LPAR3: variants seen among roughly 807,000 people sequenced by gnomAD.
LPAR3 encodes lysophosphatidic acid receptor 3, also known as LPA receptor 3.
A neutral mutation model predicts 17.8 loss-of-function variants in LPAR3; 7 were observed. That is an observed-to-expected ratio of 0.39 (90% confidence interval 0.22 to 0.74). The LOEUF (loss-of-function observed/expected upper bound fraction) is 0.74, where lower values mean the gene tolerates loss of function less well. Among genes scored for constraint, LPAR3 ranks in the 30% least tolerant of loss-of-function variants. The pLI, the probability that LPAR3 is intolerant of heterozygous loss-of-function variation, is 0.40. For missense variants in LPAR3, 391 were observed against 453.4 expected, an observed-to-expected ratio of 0.86 and a Z score of 1.25; for synonymous variants, 179 against 179.9, an observed-to-expected ratio of 0.99 and a Z score of 0.04.
Position 84,865,357 on chromosome 1 carries a change from G to C in LPAR3, c.736+28C>G, listed in dbSNP as rs528422882. 9.1e-5 allele frequency: 144 copies of C among 1,577,120 alleles called. No homozygotes were observed. The Middle Eastern group carries it at 1.9e-3, about 20-fold the overall frequency. On this transcript the variant is annotated intron_variant, in intron 2 of 2. Transcript: ENST00000370611. The stretch of plus-strand genomic sequence containing the variant: ...AAAGATTTGCTGAATGAATGGGAAT[G>C]ATGGCTTGCTTGGGTCCTCTTACCT...
At chr1:84,884,962 T>C (rs536158691) in intron 1 of LPAR3, among the ~76,000 whole-genome samples, 2 of 152,350 alleles carry the variant, frequency 1.3e-5, no homozygotes, top group East Asian at 3.9e-4. Context: ...TCTCTCACTG[T>C]TCAGCATATG....
intron 2 of LPAR3, among the ~76,000 whole-genome samples, chr1:84,850,283 A>T (rs1004049659): frequency 6.6e-6 from 1 of 150,902 alleles, no homozygotes; most frequent in Non-Finnish European, 1.5e-5. Flanking sequence ...TCAAGCTGGG[A>T]GCACTGGCTC....
At chr1:84,817,410 A>C (rs1315495419) in intron 2 of LPAR3, among the ~76,000 whole-genome samples, 1 of 152,066 alleles carries the variant, frequency 6.6e-6, no homozygotes. Flanking sequence ...GGGAGGACTT[A>C]TGTTTAACTG....
chr1:84,881,272 G>A (rs1660360565), intron 1 of LPAR3, among the ~76,000 whole-genome samples: 1 of 152,158 alleles, frequency 6.6e-6, no homozygotes, highest in Non-Finnish European at 1.5e-5. Context: ...CTGGACCTGG[G>A]TCAGATGCAG....
At chr1:84,877,809 G>A (rs1660286395) in intron 1 of LPAR3, among the ~76,000 whole-genome samples, 1 of 152,138 alleles carries the variant, frequency 6.6e-6, no homozygotes, top group Non-Finnish European at 1.5e-5. Context: ...AGCTTCTTAA[G>A]GAAAAGAACA....
At chr1:84,837,686 G>T (rs1459188372) in intron 2 of LPAR3, among the ~76,000 whole-genome samples, 1 of 152,144 alleles carries the variant, frequency 6.6e-6, no homozygotes, top group Non-Finnish European at 1.5e-5. Context: ...TGCTAATAAT[G>T]GTGGTAATGA....
Position 84,865,450 on chromosome 1 carries a change from G to C in LPAR3, c.671C>G (p.Thr224Arg). The C allele has an allele frequency of 1.9e-6, 3 of 1,614,128 alleles. No homozygotes were observed. The highest frequency in any genetic ancestry group is 2.5e-6 in the Non-Finnish European group (3 of 1,180,022). The change falls in exon 2 of 3, where the codon ACA (threonine) becomes AGA (arginine). Residue 224 changes from threonine (T) to arginine (R), a missense_variant. By Grantham distance (71) the Thr-to-Arg change is moderately conservative (BLOSUM62 -1). Transcript: ENST00000370611. Reference protein sequence around the residue: ...KRKTNVLSPHTSGSISRRRTP... With the variant: ...KRKTNVLSPHRSGSISRRRTP... ...CCTCCGGCGGCTGATGGACCCACTT[G>C]TATGCGGAGACAAGACGTTGGTTTT...
intron 2 of LPAR3, among the ~76,000 whole-genome samples, chr1:84,841,890 G>T (rs1213931863): frequency 6.6e-6 from 1 of 152,140 alleles, no homozygotes; most frequent in East Asian, 1.9e-4. Flanking sequence ...GAGCAGCAGA[G>T]TCCATTCCCA....
At chr1:84,871,553 T>C (rs1460943012) in intron 1 of LPAR3, among the ~76,000 whole-genome samples, 1 of 152,180 alleles carries the variant, frequency 6.6e-6, no homozygotes, top group Non-Finnish European at 1.5e-5. Context: ...TCTTTCTCTG[T>C]GGTTCACAAA....
At chr1:84,848,271 C>T (rs1659630390) in intron 2 of LPAR3, among the ~76,000 whole-genome samples, 1 of 152,200 alleles carries the variant, frequency 6.6e-6, no homozygotes, top group South Asian at 2.1e-4. Context: ...AATGCAGGTC[C>T]CGCCAAGAAA....
At chr1:84,892,977 G>C (rs1490981744) in intron 1 of LPAR3, 39 bp downstream of exon 1, 1 of 152,264 alleles carries the variant, frequency 6.6e-6, no homozygotes, top group Non-Finnish European at 1.5e-5. Context: ...TGGTGACTGC[G>C]GCTCGGGGTA....
intron 2 of LPAR3, among the ~76,000 whole-genome samples, chr1:84,841,655 C>T (rs1303883168): frequency 1.3e-5 from 2 of 152,204 alleles, no homozygotes; most frequent in African/African-American, 2.4e-5. Flanking sequence ...CTGCTTCTAC[C>T]TGCACACCCC....
At chr1:84,868,708 T>G (rs1660101865) in intron 1 of LPAR3, among the ~76,000 whole-genome samples, 1 of 152,120 alleles carries the variant, frequency 6.6e-6, no homozygotes, top group Non-Finnish European at 1.5e-5. Context: ...CGTGAGACCC[T>G]TTTTGCCACA....
chr1:84,856,026 G>C (rs187253635), intron 2 of LPAR3, among the ~76,000 whole-genome samples: 1 of 152,218 alleles, frequency 6.6e-6, no homozygotes, highest in East Asian at 1.9e-4. Flanking sequence ...CACGTTCCCC[G>C]TCAGAACAGG....
chr1:84,848,906 C>A lies in LPAR3; in HGVS notation c.736+16479G>T, dbSNP rs543745054. 5.7e-4 allele frequency among the ~76,000 whole-genome samples: 87 copies of A among 152,244 alleles called. 1 individual carries two copies. The South Asian group carries it at 0.018, about 31-fold the overall frequency. ...TGCTACATGTTTTGCAACATATGGA[C>A]CCTCAGAAGTAAACTCAGTACGTCT... On this transcript the variant is annotated intron_variant, in intron 2 of 2. Transcript: ENST00000370611.
At chr1:84,890,160 T>C (rs1294285084) in intron 1 of LPAR3, among the ~76,000 whole-genome samples, 2 of 151,832 alleles carry the variant, frequency 1.3e-5, no homozygotes, top group Non-Finnish European at 2.9e-5. Flanking sequence ...GAATCCAGGA[T>C]GAGGAACAAA....
rs1336690529 is a variant in LPAR3, at chr1:84,813,723, A to C, written c.*123T>G. 1.2e-6 allele frequency: 1 copy of C among 811,586 alleles called. No homozygotes were observed. The highest frequency in any genetic ancestry group is 1.9e-6 in the Non-Finnish European group (1 of 527,970). 50.3% of individuals were successfully genotyped at this position (811,586 alleles called of 1,614,324 possible). On this transcript the variant is annotated 3_prime_UTR_variant, in exon 3 of 3. Transcript: ENST00000370611. ...CTATGAAAAAAAATTTTTTAAAGAA[A>C]TCTAGCAGTGATTAATGGAGACCTC...
intron 2 of LPAR3, among the ~76,000 whole-genome samples, chr1:84,817,784 C>T (rs1024926240): frequency 1.4e-5 from 2 of 145,244 alleles, no homozygotes; most frequent in African/African-American, 5.0e-5. Context: ...CTCTCCCTCC[C>T]TTTCTTCCTT....
At chr1:84,879,661 C>T (rs934491116) in intron 1 of LPAR3, among the ~76,000 whole-genome samples, 12 of 152,296 alleles carry the variant, frequency 7.9e-5, no homozygotes, top group South Asian at 4.1e-4. Flanking sequence ...GGCACCAGGA[C>T]GCCCAACTGT....
Sources: gnomAD v4.1 joint callset for allele counts (sites outside exome capture counted in the v4.1 genomes callset) on GRCh38, gnomAD v4.1.1 for gene constraint, MANE v1.5 for transcripts, NCBI Gene and HGNC (gene_info 2026-07-23, HGNC 2026-07-21) for gene names.